Variants in TAF1B observed in about 807,000 individuals in gnomAD.
TAF1B encodes the protein TATA box-binding protein-associated factor RNA polymerase I subunit B.
Under a neutral mutation model 83.9 loss-of-function variants are expected in TAF1B, and 61 were observed. That is an observed-to-expected ratio of 0.73 (90% CI 0.59 to 0.90). The LOEUF is 0.90. Among genes scored for constraint, TAF1B ranks in the 40% least tolerant of loss-of-function variants. The pLI, the probability that TAF1B is intolerant of heterozygous loss-of-function variation, is 0.00. For synonymous variants in TAF1B, 221 were observed against 224.6 expected, an observed-to-expected ratio of 0.98 and a Z score of 0.14; for missense variants, 625 against 677.0, an observed-to-expected ratio of 0.92 and a Z score of 0.85.
chr2:9,875,843 A>G, intron 6 of TAF1B, 22 bp from the exon 7 acceptor site: 1 of 1,546,566 alleles, frequency 6.5e-7, no homozygotes, highest in South Asian at 1.2e-5. Flanking sequence ...GGATTTTTAA[A>G]AATCTCCATT....
At chr2:9,868,818 C>T (rs1156810118) in intron 6 of TAF1B, 1 of 394,162 alleles carries the variant, frequency 2.5e-6, no homozygotes, top group Admixed American at 3.5e-5. Context: ...AGTTTCTAAG[C>T]ATAGACTAAA....
At chr2:9,919,227 C>A in intron 13 of TAF1B, 116 bp downstream of exon 13, 1 of 811,930 alleles carries the variant, frequency 1.2e-6, no homozygotes, top group Non-Finnish European at 2.0e-6. Context: ...ACAAATGTTC[C>A]AGGGCACATG....
intron 8 of TAF1B, among the ~76,000 whole-genome samples, chr2:9,898,904 T>C (rs1665098999): frequency 2.0e-5 from 3 of 151,840 alleles, no homozygotes; most frequent in South Asian, 4.2e-4. Flanking sequence ...GTTTTTTTTT[T>C]CCTTTAGACA....
At chr2:9,904,320 C>T (rs1200983101) in intron 8 of TAF1B, among the ~76,000 whole-genome samples, 1 of 152,122 alleles carries the variant, frequency 6.6e-6, no homozygotes, top group African/African-American at 2.4e-5. Flanking sequence ...CCTGTGTACT[C>T]AATGTTTAGC....
chr2:9,878,201 CT>C (rs1198523510), intron 7 of TAF1B, among the ~76,000 whole-genome samples: 2 of 151,414 alleles, frequency 1.3e-5, no homozygotes, highest in Non-Finnish European at 2.9e-5. Context: ...AAAATAAGCC[CT>C]TCAGGGGATT....
intron 8 of TAF1B, among the ~76,000 whole-genome samples, chr2:9,899,604 T>C (rs1197455632): frequency 6.6e-6 from 1 of 152,168 alleles, no homozygotes; most frequent in East Asian, 1.9e-4. Context: ...AGAAGTGCAA[T>C]TAGTGGATCA....
intron 7 of TAF1B, among the ~76,000 whole-genome samples, chr2:9,878,492 T>G (rs1471995421): frequency 6.6e-6 from 1 of 152,196 alleles, no homozygotes; most frequent in Non-Finnish European, 1.5e-5. Context: ...CTGGCCAAAG[T>G]ACCCACATAC....
intron 7 of TAF1B, among the ~76,000 whole-genome samples, chr2:9,877,709 A>G (rs753275466): frequency 5.3e-5 from 8 of 152,210 alleles, no homozygotes; most frequent in Non-Finnish European, 1.0e-4. Flanking sequence ...TAAGGGGCTA[A>G]CAGAACTCTC....
intron 14 of TAF1B, among the ~76,000 whole-genome samples, chr2:9,922,713 C>T (rs2125181318): frequency 6.6e-6 from 1 of 152,190 alleles, no homozygotes; most frequent in East Asian, 1.9e-4. Context: ...GTAAGGACTA[C>T]TAGAATGTAA....
intron 4 of TAF1B, chr2:9,851,936 T>TTTG: frequency 1.9e-6 from 1 of 534,058 alleles, no homozygotes; most frequent in Non-Finnish European, 3.7e-6. Context: ...ATTAGTACCT[T>TTTG]TTGTGTGTTA....
intron 14 of TAF1B, among the ~76,000 whole-genome samples, chr2:9,925,005 C>G (rs571404820): frequency 1.3e-5 from 2 of 152,272 alleles, no homozygotes; most frequent in Admixed American, 1.3e-4. Context: ...GCCGTCACCT[C>G]CCTGGGAGTT....
chr2:9,886,884 G>T (rs1481172683), intron 8 of TAF1B, among the ~76,000 whole-genome samples: 1 of 152,136 alleles, frequency 6.6e-6, no homozygotes, highest in Non-Finnish European at 1.5e-5. Context: ...TGCCAATATG[G>T]TGAAACCCTG....
intron 5 of TAF1B, among the ~76,000 whole-genome samples, chr2:9,865,748 A>G (rs1392050930): frequency 1.3e-5 from 2 of 151,848 alleles, no homozygotes; most frequent in African/African-American, 2.4e-5. Flanking sequence ...ATACAGACCA[A>G]TGGAACAGAA....
chr2:9,910,018 G>C (rs1314235296), intron 9 of TAF1B, among the ~76,000 whole-genome samples: 1 of 124,606 alleles, frequency 8.0e-6, no homozygotes, highest in Non-Finnish European at 1.9e-5. Flanking sequence ...AAAAATGGCT[G>C]TCATACTTGA....
chr2:9,878,052 G>A (rs1369378670), intron 7 of TAF1B, among the ~76,000 whole-genome samples: 1 of 152,120 alleles, frequency 6.6e-6, no homozygotes, highest in African/African-American at 2.4e-5. Context: ...AGAGCTCTAA[G>A]TCATAAGTTC....
At chr2:9,930,301 C>T (rs1438996246) in intron 14 of TAF1B, among the ~76,000 whole-genome samples, 1 of 152,128 alleles carries the variant, frequency 6.6e-6, no homozygotes, top group Non-Finnish European at 1.5e-5. Context: ...CCTGCTTTCT[C>T]TTGTGGGCAT....
chr2:9,845,185 G>A (rs199754390), intron 1 of TAF1B, 35 bp from the exon 2 acceptor site: 2 of 1,551,182 alleles, frequency 1.3e-6, no homozygotes, highest in Non-Finnish European at 1.8e-6. Context: ...AATGTGGCTT[G>A]ATGGGAACAC....
intron 7 of TAF1B, among the ~76,000 whole-genome samples, chr2:9,881,798 A>G (rs139706781): frequency 3.3e-3 from 502 of 152,316 alleles, no homozygotes; most frequent in African/African-American, 0.011. Flanking sequence ...TTCAAACTCA[A>G]TAATTGACTC....
intron 7 of TAF1B, among the ~76,000 whole-genome samples, chr2:9,882,020 T>A (rs1664522024): frequency 6.6e-6 from 1 of 151,982 alleles, no homozygotes. Context: ...AGTAGGAGCC[T>A]ATCATGCGAG....
Sources: gnomAD v4.1 joint callset for allele counts (sites outside exome capture counted in the v4.1 genomes callset) on GRCh38, gnomAD v4.1.1 for gene constraint, MANE v1.5 for transcripts, NCBI Gene and HGNC (gene_info 2026-07-23, HGNC 2026-07-21) for gene names.